ZFHX4: variants seen among roughly 807,000 people sequenced by gnomAD.
ZFHX4 encodes the protein zinc finger homeobox protein 4.
A neutral mutation model predicts 267.6 loss-of-function variants in ZFHX4; 56 were observed. That is an observed-to-expected ratio of 0.21 (90% CI 0.17 to 0.26). ZFHX4 has a LOEUF of 0.26. ZFHX4 is among the 10% of genes least tolerant of loss of function. The pLI, the probability that ZFHX4 is intolerant of heterozygous loss-of-function variation, is 1.00. For missense variants in ZFHX4, 4,332 were observed against 4,420.0 expected (o/e 0.98, Z 0.56); for synonymous variants, 1,778 against 1,665.6 (o/e 1.07, Z -1.64).
chr8:76,843,003 T>A (rs1164766033), intron 6 of ZFHX4, among the ~76,000 whole-genome samples: 1 of 152,212 alleles, frequency 6.6e-6, no homozygotes, highest in Non-Finnish European at 1.5e-5. Context: ...TAGATGTGGA[T>A]AAGTTGAAGA....
At chr8:76,766,338 C>T (rs1456038143) in intron 3 of ZFHX4, among the ~76,000 whole-genome samples, 1 of 152,096 alleles carries the variant, frequency 6.6e-6, no homozygotes, top group Non-Finnish European at 1.5e-5. Context: ...TTGCTGAGAG[C>T]CTAATCAAAC....
chr8:76,732,368 T>C (rs965418862), intron 3 of ZFHX4, among the ~76,000 whole-genome samples: 3 of 152,128 alleles, frequency 2.0e-5, no homozygotes, highest in Admixed American at 1.3e-4. Context: ...ATGGGATATC[T>C]AAGTGTATAT....
At chr8:76,740,841 G>A (rs140167134) in intron 3 of ZFHX4, among the ~76,000 whole-genome samples, 356 of 152,224 alleles carry the variant, frequency 2.3e-3, no homozygotes, top group African/African-American at 8.1e-3. Flanking sequence ...GGGAAAAGGA[G>A]CAATGAGTAC....
chr8:76,817,049 TA>T (rs1811524819), intron 4 of ZFHX4, among the ~76,000 whole-genome samples: 1 of 152,092 alleles, frequency 6.6e-6, no homozygotes. Context: ...TAGGGTAGAT[TA>T]GGAAACACTT....
intron 4 of ZFHX4, among the ~76,000 whole-genome samples, chr8:76,823,951 TTTTA>T (rs1811720532): frequency 6.6e-6 from 1 of 152,168 alleles, no homozygotes; most frequent in Non-Finnish European, 1.5e-5. Flanking sequence ...AGTAGCAAGA[TTTTA>T]TTTATTTGTT....
In ZFHX4 at chr8:76,866,876, G is replaced by A. The variant is rs1447062713; in HGVS notation, c.*2311G>A. 1 of 152,568 alleles carries A rather than the reference G, an allele frequency of 6.6e-6. No individual in the cohort carries two copies. The highest frequency in any genetic ancestry group is 2.4e-5 in the African/African-American group (1 of 41,432). 9.5% of individuals were successfully genotyped at this position (152,568 alleles called of 1,614,324 possible). A position where few individuals can be genotyped will look rare whatever the true frequency, so the allele number is the denominator to read the frequency against. ...TAAAAGGACAGCCTCCAAAGGTTGA[G>A]AATGAGAATTGTTTTTTCCTGGATA... On this transcript the variant is annotated 3_prime_UTR_variant, in exon 11 of 11. Coordinates refer to ENST00000651372, the MANE Select transcript of ZFHX4 (RefSeq NM_024721.5).
At chr8:76,834,159 C>T in intron 5 of ZFHX4, 1 of 445,298 alleles carries the variant, frequency 2.2e-6, no homozygotes, top group Non-Finnish European at 4.5e-6. Context: ...TGGTTGATTC[C>T]AAGTTTTGGC....
Position 76,706,628 on chromosome 8 carries a change from A to T in ZFHX4, c.2540A>T (p.Asn847Ile). 1 of 1,607,014 alleles carries T rather than the reference A, an allele frequency of 6.2e-7. No individual in the cohort carries two copies. Residue 847 changes from asparagine (N) to isoleucine (I), a missense_variant, in exon 2 of 11, where the codon AAT becomes ATT. Coordinates refer to ENST00000651372, the MANE Select transcript of ZFHX4 (RefSeq NM_024721.5). Reference sequence around the variant, plus strand: ...CCTGCCGACCCTCAGCTGATGATCAATCCATTCCAGCTGGATCCAGCGACA... The same window carrying T: ...CCTGCCGACCCTCAGCTGATGATCATTCCATTCCAGCTGGATCCAGCGACA... ...ENPADPQLMI[N>I]PFQLDPATAA... is the part of the protein sequence containing the mutation.
intron 4 of ZFHX4, among the ~76,000 whole-genome samples, chr8:76,783,624 T>C (rs1240167175): frequency 3.9e-5 from 6 of 152,024 alleles, no homozygotes; most frequent in Non-Finnish European, 7.4e-5. Context: ...CATTATGGTG[T>C]CTTTGAGAAT....
At chr8:76,722,171 T>C (rs558045131) in intron 3 of ZFHX4, among the ~76,000 whole-genome samples, 5 of 152,116 alleles carry the variant, frequency 3.3e-5, no homozygotes, top group Non-Finnish European at 5.9e-5. Flanking sequence ...CCAATGTTCC[T>C]ACTGTCAGAA....
At chr8:76,690,569 T>G (rs74774903) in intron 1 of ZFHX4, among the ~76,000 whole-genome samples, 7,300 of 152,118 alleles carry the variant, frequency 0.048, 559 homozygotes, top group African/African-American at 0.16. Flanking sequence ...GTTTTTAAAA[T>G]ACCATAAATT....
chr8:76,740,235 G>A (rs1338105586), intron 3 of ZFHX4, among the ~76,000 whole-genome samples: 1 of 151,638 alleles, frequency 6.6e-6, no homozygotes, highest in Non-Finnish European at 1.5e-5. Flanking sequence ...ATTCCCTGGT[G>A]CTTAAAACAT....
intron 4 of ZFHX4, among the ~76,000 whole-genome samples, chr8:76,817,062 A>T (rs1010675840): frequency 2.0e-5 from 3 of 151,954 alleles, no homozygotes; most frequent in African/African-American, 4.8e-5. Flanking sequence ...GAAACACTTT[A>T]AAAAAAAGGT....
intron 1 of ZFHX4, among the ~76,000 whole-genome samples, chr8:76,682,214 C>T (rs957649705): frequency 1.3e-5 from 2 of 152,202 alleles, no homozygotes; most frequent in African/African-American, 4.8e-5. Flanking sequence ...CCCTCTCTCC[C>T]TGCTCTTTCC....
chr8:76,799,972 G>T (rs1029171751), intron 4 of ZFHX4, among the ~76,000 whole-genome samples: 6 of 152,146 alleles, frequency 3.9e-5, no homozygotes, highest in Non-Finnish European at 7.4e-5. Flanking sequence ...CTGTAAAGGT[G>T]GGGCTTATTC....
Position 76,850,895 on chromosome 8 carries a change from C to T in ZFHX4, c.3974C>T (p.Pro1325Leu). 6.9e-6 allele frequency: 11 copies of T among 1,603,296 alleles called. No individual in the cohort carries two copies. The highest frequency in any genetic ancestry group is 9.4e-6 in the Non-Finnish European group (11 of 1,175,072). The change falls in exon 10 of 11, where the codon CCA (proline) becomes CTA (leucine). Residue 1325 changes from proline (P) to leucine (L), a missense_variant. Around this residue, in one of 7 missense-constraint regions of ZFHX4, gnomAD observed 1,371 missense variants for 1,423.1 expected, o/e 0.96. Transcript: ENST00000651372. Reference sequence around the variant, plus strand: ...TGCTTTTTCCTAATAGGTGAAAGTCCAATGGATGACAAAAGCATGGCAGGT... The same window carrying T: ...TGCTTTTTCCTAATAGGTGAAAGTCTAATGGATGACAAAAGCATGGCAGGT... The part of the protein sequence containing the change: ...EGSGKYSGES[P>L]MDDKSMAGLE...
At chr8:76,839,511 T>C (rs1344182816) in intron 5 of ZFHX4, among the ~76,000 whole-genome samples, 2 of 152,190 alleles carry the variant, frequency 1.3e-5, no homozygotes, top group Non-Finnish European at 2.9e-5. Flanking sequence ...AAGATTAATA[T>C]AGAAATATTG....
chr8:76,814,660 G>A (rs1811458081), intron 4 of ZFHX4, among the ~76,000 whole-genome samples: 1 of 152,142 alleles, frequency 6.6e-6, no homozygotes, highest in Non-Finnish European at 1.5e-5. Context: ...TGGCATTACT[G>A]TGTTTAATGC....
chr8:76,698,880 G>A (rs1217967673), intron 1 of ZFHX4, among the ~76,000 whole-genome samples: 1 of 152,088 alleles, frequency 6.6e-6, no homozygotes, highest in Non-Finnish European at 1.5e-5. Context: ...AGGAGAGGTC[G>A]TCACACATTC....
Sources: allele counts gnomAD v4.1 joint callset (sites outside exome capture counted in the v4.1 genomes callset), GRCh38; gene constraint gnomAD v4.1.1; regional missense constraint gnomAD v4.1.1; transcripts MANE v1.5; gene names NCBI Gene and HGNC (gene_info 2026-07-23, HGNC 2026-07-21).